Variants in CASP8 observed in about 807,000 individuals in gnomAD.
CASP8 encodes caspase-8.
Under a neutral mutation model 46.3 loss-of-function variants are expected in CASP8, and 24 were observed. That is an observed-to-expected ratio of 0.52 (90% CI 0.38 to 0.73). The LOEUF is 0.73. Among genes scored for constraint, CASP8 ranks in the 30% least tolerant of loss-of-function variants. The pLI, the probability that CASP8 is intolerant of heterozygous loss-of-function variation, is 0.00. For missense variants in CASP8, 460 were observed against 559.0 expected, an observed-to-expected ratio of 0.82 and a Z score of 1.79; for synonymous variants, 188 against 200.4, an observed-to-expected ratio of 0.94 and a Z score of 0.52.
rs2125249331 is a variant in CASP8, at chr2:201,272,521, A to G, written c.412-117A>G. 2.6e-6 allele frequency: 3 copies of G among 1,146,752 alleles called. No homozygotes were observed. The highest frequency in any genetic ancestry group is 3.8e-6 in the Non-Finnish European group (3 of 780,430). The allele number at this position is 1,146,752 out of a possible 1,614,324, so 71.0% of individuals were successfully genotyped here. ...GAGAGACCAGCAGAAACTGTCAGAAACTTGGGAAGCAAGGGCAGGTCCTTG... is the reference window on the plus strand; with the variant it reads ...GAGAGACCAGCAGAAACTGTCAGAAGCTTGGGAAGCAAGGGCAGGTCCTTG... On this transcript the variant is annotated intron_variant, in intron 3 of 8. Transcript: ENST00000673742. This position sits in a 1 kb window ranked among gnomAD's most constrained non-coding sequence, Gnocchi z 4.4.
At chr2:201,255,059 C>G (rs1201825605) in intron 2 of CASP8, among the ~76,000 whole-genome samples, 1 of 152,116 alleles carries the variant, frequency 6.6e-6, no homozygotes, top group Non-Finnish European at 1.5e-5. Flanking sequence ...ATTCAACCAA[C>G]CTGAGGTTTA....
At chr2:201,265,004 C>T (rs757368859) in intron 1 of CASP8, among the ~76,000 whole-genome samples, 1 of 152,020 alleles carries the variant, frequency 6.6e-6, no homozygotes, top group Non-Finnish European at 1.5e-5. Flanking sequence ...GGATGAGTCC[C>T]CAGAGCCTCT....
chr2:201,278,381 A>G (rs969763642), intron 7 of CASP8, among the ~76,000 whole-genome samples: 7 of 152,170 alleles, frequency 4.6e-5, no homozygotes, highest in African/African-American at 1.7e-4. Flanking sequence ...CTTGCTTTAC[A>G]GTCATTTTTT....
chr2:201,260,069 A>G (rs1319487030), upstream of CASP8, among the ~76,000 whole-genome samples: 1 of 151,342 alleles, frequency 6.6e-6, no homozygotes, highest in Non-Finnish European at 1.5e-5. Flanking sequence ...TGGCTAAACC[A>G]GGGGCTTTAG....
chr2:201,245,033 A>G (rs1455205195), intron 2 of CASP8, among the ~76,000 whole-genome samples: 2 of 152,100 alleles, frequency 1.3e-5, no homozygotes, highest in East Asian at 1.9e-4. Context: ...TCAATTGTCT[A>G]CTAAAACACT....
intron 2 of CASP8, among the ~76,000 whole-genome samples, chr2:201,248,136 C>A (rs1946620624): frequency 6.6e-6 from 1 of 152,186 alleles, no homozygotes; most frequent in African/African-American, 2.4e-5. Context: ...CTTTCCACTT[C>A]TTTAGTATAG....
chr2:201,267,590 T>C (rs1299865838), intron 2 of CASP8, among the ~76,000 whole-genome samples: 4 of 152,116 alleles, frequency 2.6e-5, no homozygotes, highest in Non-Finnish European at 5.9e-5. Flanking sequence ...TAACCAAAGG[T>C]GTGAGAGAGA....
chr2:201,252,134 A>G (rs925379791), intron 2 of CASP8, among the ~76,000 whole-genome samples: 1 of 152,152 alleles, frequency 6.6e-6, no homozygotes, highest in Non-Finnish European at 1.5e-5. Context: ...ATCTTTTCAT[A>G]TGCTTATTTG....
In CASP8 at chr2:201,266,470, T is replaced by G; in HGVS notation, c.-17T>G. 6.2e-7 allele frequency: 1 copy of G among 1,611,338 alleles called. No individual in the cohort carries two copies. The highest frequency in any genetic ancestry group is 8.5e-7 in the Non-Finnish European group (1 of 1,177,434). ...ATTTATTTTGACTTAGATTATATTC[T>G]CCTGCCTTTTAAAAAGATGGACTTC... On this transcript the variant is annotated 5_prime_UTR_variant, in exon 2 of 9. Coordinates refer to ENST00000673742, the MANE Select transcript of CASP8 (RefSeq NM_001372051.1). The surrounding 1 kb of genome is among the most constrained non-coding windows in gnomAD (Gnocchi z 5.7).
rs1949566938 is a variant in CASP8, at chr2:201,286,465, T to A, written c.1311T>A (p.Asp437Glu). 5 of 1,612,712 alleles carry A rather than the reference T, an allele frequency of 3.1e-6. No homozygotes were observed. Among genetic ancestry groups the A allele is most frequent in the Middle Eastern group, 1.7e-4 (1 of 6,060 alleles). The change falls in exon 9 of 9, where the codon GAT becomes GAA. Residue 437 changes from aspartate (D) to glutamate (E), a missense_variant. Physicochemically the swap from Asp to Glu is conservative, Grantham distance 45 (BLOSUM62 2). Transcript: ENST00000673742. ...ATTATGTGATGTATTTCAGAGGCGATGATATTCTCACCATCCTGACTGAAG... is the reference window on the plus strand; with the variant it reads ...ATTATGTGATGTATTTCAGAGGCGAAGATATTCTCACCATCCTGACTGAAG... Reference protein sequence around the residue: ...QSLRERCPRGDDILTILTEVN... With the variant: ...QSLRERCPRGEDILTILTEVN...
chr2:201,235,417 A>G (rs536918247), intron 2 of CASP8, among the ~76,000 whole-genome samples: 5 of 152,270 alleles, frequency 3.3e-5, no homozygotes, highest in South Asian at 4.1e-4. Flanking sequence ...GTAATTGTCA[A>G]TATAATTGGG....
At position 201,266,565 on chromosome 2, in the gene CASP8, C is replaced by G; in HGVS notation, c.79C>G (p.Leu27Val). ...EDLASLKFLSLDYIPQRKQEP... is the reference protein window; with the variant it reads ...EDLASLKFLSVDYIPQRKQEP... Reference sequence around the variant, plus strand: ...TCTGGCCTCCCTCAAGTTCCTGAGCCTGGACTACATTCCGCAAAGGAAGCA... The same window carrying G: ...TCTGGCCTCCCTCAAGTTCCTGAGCGTGGACTACATTCCGCAAAGGAAGCA... The change falls in exon 2 of 9, where the codon CTG becomes GTG. Residue 27 changes from leucine (L) to valine (V), a missense_variant. By Grantham distance (32) the Leu-to-Val change is conservative (BLOSUM62 1). Coordinates refer to ENST00000673742, the MANE Select transcript of CASP8 (RefSeq NM_001372051.1). This position sits in a 1 kb window ranked among gnomAD's most constrained non-coding sequence, Gnocchi z 5.7. The G allele has an allele frequency of 6.2e-7, 1 of 1,614,082 alleles. No individual in the cohort carries two copies. Among genetic ancestry groups the G allele is most frequent in the Non-Finnish European group, 8.5e-7 (1 of 1,179,966 alleles).
intron 2 of CASP8, among the ~76,000 whole-genome samples, chr2:201,243,986 T>C (rs1444542808): frequency 2.0e-5 from 3 of 152,220 alleles, no homozygotes; most frequent in Non-Finnish European, 2.9e-5. Flanking sequence ...AGATTACACA[T>C]AGGATTTTGG....
chr2:201,267,938 T>C (rs1024502003), intron 2 of CASP8, among the ~76,000 whole-genome samples: 1 of 152,202 alleles, frequency 6.6e-6, no homozygotes, highest in Non-Finnish European at 1.5e-5. Flanking sequence ...TGTTTTGTTT[T>C]GTTTTTGAGA....
chr2:201,283,288 CT>C (rs1949260778), intron 7 of CASP8, among the ~76,000 whole-genome samples: 1 of 92,996 alleles, frequency 1.1e-5, no homozygotes, highest in Non-Finnish European at 2.5e-5. Flanking sequence ...CACCTCCCTC[CT>C]GGACGGGGCG....
chr2:201,238,779 A>T lies in CASP8; in HGVS notation c.-27+4667A>T, dbSNP rs956134404. Among the ~76,000 whole-genome samples the T allele has an allele frequency of 6.1e-5, 9 of 148,192 alleles. 1 individual carries two copies. Among genetic ancestry groups the T allele is most frequent in the South Asian group, 2.1e-4 (1 of 4,806 alleles). On this transcript the variant is annotated intron_variant, in intron 2 of 6. Coordinates refer to the CASP8 transcript ENST00000264274. ...TTTTATTTTATTTATTTATTTATTT[A>T]TTTTTTAATTGATCATTCTTGGGTG...
intron 7 of CASP8, chr2:201,277,607 A>G (rs1948717731): frequency 2.9e-6 from 1 of 343,380 alleles, no homozygotes; most frequent in Non-Finnish European, 5.6e-6. Flanking sequence ...CAGGCATAAC[A>G]TCAATTATTG....
Position 201,266,554 on chromosome 2 carries a change from A to G in CASP8, c.68A>G (p.Lys23Arg), listed in dbSNP as rs779778498. The G allele has an allele frequency of 1.6e-5, 26 of 1,614,058 alleles. No homozygotes were observed. Among genetic ancestry groups the G allele is most frequent in the African/African-American group, 2.7e-5 (2 of 74,910 alleles). The change falls in exon 2 of 9, where the codon AAG becomes AGG. Residue 23 changes from lysine to arginine, a missense_variant. Physicochemically the swap from Lys to Arg is conservative, Grantham distance 26 (BLOSUM62 2). Transcript: ENST00000673742. The surrounding 1 kb of genome is among the most constrained non-coding windows in gnomAD (Gnocchi z 5.7). ...QLDSEDLASLKFLSLDYIPQR... is the reference protein window; with the variant it reads ...QLDSEDLASLRFLSLDYIPQR... ...GACAGTGAAGATCTGGCCTCCCTCAAGTTCCTGAGCCTGGACTACATTCCG... is the reference window on the plus strand; with the variant it reads ...GACAGTGAAGATCTGGCCTCCCTCAGGTTCCTGAGCCTGGACTACATTCCG...
At chr2:201,247,460 C>T (rs993756719) in intron 2 of CASP8, among the ~76,000 whole-genome samples, 3 of 150,360 alleles carry the variant, frequency 2.0e-5, no homozygotes, top group African/African-American at 7.3e-5. Flanking sequence ...CAGGATTTCT[C>T]AGAATCCTCA....
Sources: allele counts gnomAD v4.1 joint callset (sites outside exome capture counted in the v4.1 genomes callset), GRCh38; gene constraint gnomAD v4.1.1; non-coding constraint Gnocchi (gnomAD v3.1); transcripts MANE v1.5; gene names NCBI Gene and HGNC (gene_info 2026-07-23, HGNC 2026-07-21).